The following SF3A3 variants were observed in gnomAD, a reference collection of about 807,000 sequenced individuals.
SF3A3 encodes the protein splicing factor 3a subunit 3, also known as SAP 61.
SF3A3 carries 9 observed loss-of-function variants against 85.8 expected under a neutral mutation model. The observed-to-expected ratio is 0.10, with a 90% CI of 0.06 to 0.18. The LOEUF (loss-of-function observed/expected upper bound fraction) is 0.18. Among genes scored for constraint, SF3A3 ranks in the 10% least tolerant of loss-of-function variants. The probability of loss-of-function intolerance (pLI) is 1.00; values close to 1 mark genes in which losing one functional copy is unlikely to be tolerated. For synonymous variants in SF3A3, 195 were observed against 204.4 expected, an observed-to-expected ratio of 0.95 and a Z score of 0.39; for missense variants, 306 against 593.3, an observed-to-expected ratio of 0.52 and a Z score of 5.03.
chr1:37,986,962 G>A (rs1490367405), intron 4 of SF3A3, among the ~76,000 whole-genome samples: 1 of 152,138 alleles, frequency 6.6e-6, no homozygotes, highest in East Asian at 1.9e-4. Context: ...CCAACCCAAC[G>A]GGGAGCCATG....
At chr1:37,986,317 C>T (rs1646456665) in intron 4 of SF3A3, among the ~76,000 whole-genome samples, 1 of 152,092 alleles carries the variant, frequency 6.6e-6, no homozygotes, top group South Asian at 2.1e-4. Flanking sequence ...TACCTTGTGA[C>T]CAGATTTCCA....
intron 12 of SF3A3, among the ~76,000 whole-genome samples, chr1:37,973,494 A>G (rs181501284): frequency 2.6e-5 from 4 of 152,154 alleles, no homozygotes; most frequent in Non-Finnish European, 5.9e-5. Context: ...ACTACAAAGA[A>G]TCTACAAAGA....
At position 37,984,152 on chromosome 1, in the gene SF3A3, C is replaced by A; in HGVS notation, c.468+17G>T. 4 of 1,472,618 alleles carry A rather than the reference C, an allele frequency of 2.7e-6. No homozygotes were observed. The allele number at this position is 1,472,618 out of a possible 1,614,324, so 91.2% of individuals were successfully genotyped here. ...ACTTCGAGAATCAGAACCTCTCTGC[C>A]CTTTCCCAGGCCTTACCTCAGATGC... On this transcript the variant is annotated intron_variant, in intron 6 of 16. Transcript: ENST00000373019.
chr1:37,985,898 C>T (rs1288991397), intron 4 of SF3A3, among the ~76,000 whole-genome samples: 1 of 151,282 alleles, frequency 6.6e-6, no homozygotes, highest in African/African-American at 2.4e-5. Flanking sequence ...AAGTATGCTT[C>T]TCTGTCTTCC....
intron 14 of SF3A3, among the ~76,000 whole-genome samples, chr1:37,968,564 G>T (rs1646318138): frequency 1.3e-5 from 2 of 152,204 alleles, no homozygotes; most frequent in South Asian, 4.1e-4. Flanking sequence ...TAGGCACAAT[G>T]ATGTGGTGAG....
At chr1:37,967,879 A>C (rs1195385294) in intron 15 of SF3A3, among the ~76,000 whole-genome samples, 165 bp downstream of exon 15, 1 of 151,958 alleles carries the variant, frequency 6.6e-6, no homozygotes, top group African/African-American at 2.4e-5. Flanking sequence ...AAACAAAAAA[A>C]CACAAAACAA....
At chr1:37,974,461 C>T (rs1361962534) in intron 12 of SF3A3, among the ~76,000 whole-genome samples, 1 of 152,032 alleles carries the variant, frequency 6.6e-6, no homozygotes, top group Non-Finnish European at 1.5e-5. Flanking sequence ...CGCCACTATG[C>T]CTGGCTAATT....
Position 37,986,638 on chromosome 1 carries a change from T to C in SF3A3, c.303+935A>G, listed in dbSNP as rs1191068138. 2.0e-5 allele frequency among the ~76,000 whole-genome samples: 3 copies of C among 151,928 alleles called. No individual in the cohort carries two copies. The East Asian group carries it at 5.8e-4, about 30-fold the overall frequency. ...TATCCTGGCTAACATGGTGAAACCC[T>C]GTCTCAACTAAAAAATACATAAAAT... is the stretch of plus-strand genomic sequence containing the variant. On this transcript the variant is annotated intron_variant, in intron 4 of 16. Transcript: ENST00000373019.
chr1:37,979,385 T>A lies in SF3A3; in HGVS notation c.759+80A>T, dbSNP rs551236632. ...ATAGTGCCTTATCACAACACAACCA[T>A]GGTATTAAAGACAGGAGAGCAGTCT... On this transcript the variant is annotated intron_variant, in intron 9 of 16. Transcript: ENST00000373019. 52 of 1,063,388 alleles carry A rather than the reference T, an allele frequency of 4.9e-5. No homozygotes were observed. In the African/African-American group the frequency reaches 7.6e-4, roughly 15 times the overall value. The allele number at this position is 1,063,388 out of a possible 1,614,324, so 65.9% of individuals were successfully genotyped here.
Position 37,967,998 on chromosome 1 carries a change from G to C in SF3A3, c.1372+46C>G, listed in dbSNP as rs376271766. 6.8e-6 allele frequency: 8 copies of C among 1,170,754 alleles called. No individual in the cohort carries two copies. The African/African-American group carries it at 9.1e-5, about 13-fold the overall frequency. 72.5% of individuals were successfully genotyped at this position (1,170,754 alleles called of 1,614,324 possible). ...ATTAGGATGCTGAATTGAAGGAGTA[G>C]AGCCATTTGTACTCGCCTAGGAGAC... On this transcript the variant is annotated intron_variant, in intron 15 of 16. Coordinates refer to ENST00000373019, the MANE Select transcript of SF3A3 (RefSeq NM_006802.4).
chr1:37,981,430 T>C (rs554049858), intron 7 of SF3A3, among the ~76,000 whole-genome samples: 57 of 152,298 alleles, frequency 3.7e-4, no homozygotes, highest in African/African-American at 1.3e-3. Flanking sequence ...TAATTTTTTT[T>C]CCCATTAAAC....
intron 4 of SF3A3, 90 bp from the exon 5 acceptor site, chr1:37,984,869 A>G: frequency 1.9e-6 from 2 of 1,076,220 alleles, no homozygotes; most frequent in Non-Finnish European, 2.8e-6. Flanking sequence ...GTGCACTGGC[A>G]CAATCTTGGC....
chr1:37,976,932 G>A lies in SF3A3; in HGVS notation c.957C>T (p.Asp319=). ...GTKRDTERNK[D]IAFLEAQIYE... is the part of the protein sequence containing the mutation. ...AGATCTGGGCTTCTAGAAAAGCAAT[G>A]TCTTTGTTCCTTTCAGTGTCTCTGA... The change falls in exon 12 of 17, where the codon GAC becomes GAT. Residue 319 remains aspartate (D), a synonymous_variant. Coordinates refer to ENST00000373019, the MANE Select transcript of SF3A3 (RefSeq NM_006802.4). 1 of 1,609,568 alleles carries A rather than the reference G, an allele frequency of 6.2e-7. No individual in the cohort carries two copies. Among genetic ancestry groups the A allele is most frequent in the Non-Finnish European group, 8.5e-7 (1 of 1,176,034 alleles).
intron 12 of SF3A3, among the ~76,000 whole-genome samples, chr1:37,973,014 C>CT (rs1375711604): frequency 6.6e-6 from 1 of 152,004 alleles, no homozygotes; most frequent in Non-Finnish European, 1.5e-5. Context: ...AACCCTGTCT[C>CT]ACTAAATACA....
In SF3A3 at chr1:37,976,922, G is replaced by A. The variant is rs1355798302; in HGVS notation, c.967C>T (p.Leu323=). The change falls in exon 12 of 17, where the codon CTA becomes TTA. Residue 323 remains leucine (L), a synonymous_variant. Transcript: ENST00000373019. ...ACATATTCATAGATCTGGGCTTCTA[G>A]AAAAGCAATGTCTTTGTTCCTTTCA... ...DTERNKDIAF[L]EAQIYEYVEI... is the part of the protein sequence containing the mutation. 2 of 1,609,614 alleles carry A rather than the reference G, an allele frequency of 1.2e-6. No homozygotes were observed. Among genetic ancestry groups the A allele is most frequent in the African/African-American group, 1.3e-5 (1 of 74,706 alleles).
intron 11 of SF3A3, 31 bp downstream of exon 11, chr1:37,978,689 C>T: frequency 1.4e-6 from 2 of 1,397,296 alleles, no homozygotes; most frequent in African/African-American, 1.4e-5. Context: ...ATTTAAAAGC[C>T]ACAAGCAGCA....
Position 37,966,408 on chromosome 1 carries a change from G to A in SF3A3, c.1372+1636C>T, listed in dbSNP as rs191927033. 7.5e-3 allele frequency among the ~76,000 whole-genome samples: 1,143 copies of A among 152,112 alleles called. 12 individuals are homozygous for A. Among genetic ancestry groups the A allele is most frequent in the African/African-American group, 0.026 (1,070 of 41,496 alleles). ...TCTTCAAGAGGTATTTTGCTGCTGT[G>A]TTTCTATAGCCTCTAACACAAGCTT... On this transcript the variant is annotated intron_variant, in intron 15 of 16. Coordinates refer to ENST00000373019, the MANE Select transcript of SF3A3 (RefSeq NM_006802.4).
At chr1:37,988,896 T>TATA (rs201747382) in intron 2 of SF3A3, among the ~76,000 whole-genome samples, 5 of 130,782 alleles carry the variant, frequency 3.8e-5, no homozygotes, top group Admixed American at 2.4e-4. Context: ...TATATATATA[T>TATA]TTTTTTTTTC....
At chr1:37,981,657 A>C in intron 7 of SF3A3, 72 bp downstream of exon 7, 1 of 943,458 alleles carries the variant, frequency 1.1e-6, no homozygotes, top group Non-Finnish European at 1.7e-6. Flanking sequence ...CAAATTCAGA[A>C]CTTCACCCTC....
Sources: allele counts gnomAD v4.1 joint callset (sites outside exome capture counted in the v4.1 genomes callset), GRCh38; gene constraint gnomAD v4.1.1; transcripts MANE v1.5; gene names NCBI Gene and HGNC (gene_info 2026-07-23, HGNC 2026-07-21).